The following SULF2 variants were observed in gnomAD, a reference collection of about 807,000 sequenced individuals.
SULF2 encodes extracellular sulfatase Sulf-2.
In SULF2, 52 loss-of-function variants were observed where a neutral mutation model predicts 107.7. That is an observed-to-expected ratio of 0.48 (90% CI 0.39 to 0.61). The LOEUF (loss-of-function observed/expected upper bound fraction) is 0.61. Ranked by LOEUF, SULF2 falls within the 20% of genes least tolerant of loss-of-function variation. The pLI is 0.00. For missense variants in SULF2, 993 were observed against 1,177.3 expected (o/e 0.84, Z 2.29); for synonymous variants, 460 against 464.3 (o/e 0.99, Z 0.12).
chr20:47,664,592 C>G (rs746329959), intron 14 of SULF2, among the ~76,000 whole-genome samples: 2 of 152,134 alleles, frequency 1.3e-5, no homozygotes, highest in East Asian at 3.9e-4. Context: ...CACACTTGGT[C>G]GGGGTCAACA....
chr20:47,771,617 A>G (rs1223037390), intron 1 of SULF2, among the ~76,000 whole-genome samples: 1 of 151,324 alleles, frequency 6.6e-6, no homozygotes, highest in Non-Finnish European at 1.5e-5. Flanking sequence ...GCCCAACAAC[A>G]TGGAGGTTGC....
chr20:47,684,204 T>C (rs1446479171), intron 6 of SULF2: 1 of 457,520 alleles, frequency 2.2e-6, no homozygotes, highest in Non-Finnish European at 3.8e-6. Flanking sequence ...AACTAGCATA[T>C]ATGGTTACCG....
chr20:47,672,204 TGAA>T lies in SULF2; in HGVS notation c.1567_1569del (p.Phe523del). Reference sequence around the variant, plus strand: ...GCCAGGTTGTGACACTTACTCTTCTTGAAGAGTTTTTTCCGGCGTCCGGCCAGG... The same window carrying T: ...GCCAGGTTGTGACACTTACTCTTCTTGAGTTTTTTCCGGCGTCCGGCCAGG... On this transcript the variant is annotated inframe_deletion, in exon 11 of 21. Coordinates refer to ENST00000688720, the MANE Select transcript of SULF2 (RefSeq NM_001387048.1). 4 of 1,607,038 alleles carry T rather than the reference TGAA, an allele frequency of 2.5e-6. No homozygotes were observed. The African/African-American group carries it at 4.0e-5, about 16-fold the overall frequency.
At chr20:47,687,243 C>A (rs1451622518) in intron 5 of SULF2, among the ~76,000 whole-genome samples, 1 of 152,120 alleles carries the variant, frequency 6.6e-6, no homozygotes, top group Non-Finnish European at 1.5e-5. Flanking sequence ...CAGAAGGCAG[C>A]AGAGCCGGGT....
intron 5 of SULF2, among the ~76,000 whole-genome samples, chr20:47,688,435 CCAAA>C (rs1372670234): frequency 6.6e-6 from 1 of 152,244 alleles, no homozygotes; most frequent in Non-Finnish European, 1.5e-5. Context: ...GCAGGCAATG[CCAAA>C]CAATTTCATC....
chr20:47,723,949 A>G (rs912280259), intron 3 of SULF2, among the ~76,000 whole-genome samples: 1 of 152,158 alleles, frequency 6.6e-6, no homozygotes, highest in Non-Finnish European at 1.5e-5. Flanking sequence ...CTTGTACCAG[A>G]ATGGTTGTGG....
intron 1 of SULF2, among the ~76,000 whole-genome samples, chr20:47,759,786 G>A (rs4295072): frequency 0.8 from 122,275 of 152,226 alleles, 49,318 homozygotes; most frequent in African/African-American, 0.84. Flanking sequence ...GCCTGCCCTG[G>A]CCACCCTATT....
At chr20:47,748,949 G>C (rs1039366614) in intron 2 of SULF2, among the ~76,000 whole-genome samples, 1 of 151,576 alleles carries the variant, frequency 6.6e-6, no homozygotes, top group African/African-American at 2.4e-5. Context: ...TATAATTCTC[G>C]CTGAGATCAT....
chr20:47,747,321 C>G (rs1048002656), intron 2 of SULF2, among the ~76,000 whole-genome samples: 1 of 152,176 alleles, frequency 6.6e-6, no homozygotes, highest in Non-Finnish European at 1.5e-5. Flanking sequence ...GGAGGCAGGA[C>G]TGAGATTCTA....
At chr20:47,663,999 G>A (rs538791033) in intron 15 of SULF2, 131 bp downstream of exon 15, 19 of 976,470 alleles carry the variant, frequency 1.9e-5, no homozygotes, top group Admixed American at 5.1e-5. Context: ...AGGCCTCTTC[G>A]AGGGCTACCG....
chr20:47,696,316 A>C (rs2088374397), intron 4 of SULF2, among the ~76,000 whole-genome samples: 1 of 152,188 alleles, frequency 6.6e-6, no homozygotes, highest in Non-Finnish European at 1.5e-5. Flanking sequence ...ATTATTCCTC[A>C]AGAACCATAT....
chr20:47,706,197 C>G (rs909089149), intron 3 of SULF2, among the ~76,000 whole-genome samples: 1 of 152,134 alleles, frequency 6.6e-6, no homozygotes, highest in Non-Finnish European at 1.5e-5. Flanking sequence ...GCCAGGAAGG[C>G]CCCTGGAGAC....
intron 11 of SULF2, among the ~76,000 whole-genome samples, chr20:47,667,306 T>G (rs1053229038): frequency 1.3e-5 from 2 of 151,950 alleles, no homozygotes; most frequent in African/African-American, 2.4e-5. Flanking sequence ...CACCAGGTGG[T>G]AGGCAGGTGC....
intron 10 of SULF2, among the ~76,000 whole-genome samples, chr20:47,674,174 C>A (rs1318105074): frequency 6.6e-6 from 1 of 152,280 alleles, no homozygotes; most frequent in Non-Finnish European, 1.5e-5. Context: ...ACTGTCTGAT[C>A]TTGTGCGGAA....
At position 47,666,550 on chromosome 20, in the gene SULF2, G is replaced by C; in HGVS notation, c.1577-62C>G. ...AGGAAAGGCTGGCCAGGCTCCCAGG[G>C]CAGTGGGTCCTTCATCAAGATAGGG... On this transcript the variant is annotated intron_variant, in intron 11 of 20. Transcript: ENST00000688720. This position sits in a 1 kb window ranked among gnomAD's most constrained non-coding sequence, Gnocchi z 5.4. 1 of 1,350,756 alleles carries C rather than the reference G, an allele frequency of 7.4e-7. No homozygotes were observed. Among genetic ancestry groups the C allele is most frequent in the Non-Finnish European group, 1.0e-6 (1 of 964,292 alleles). 83.7% of individuals were successfully genotyped at this position (1,350,756 alleles called of 1,614,324 possible). A position where few individuals can be genotyped will look rare whatever the true frequency, so the allele number is the denominator to read the frequency against.
intron 3 of SULF2, among the ~76,000 whole-genome samples, chr20:47,731,772 C>A (rs1429308526): frequency 1.3e-5 from 2 of 152,164 alleles, no homozygotes; most frequent in African/African-American, 2.4e-5. Context: ...GTGGAGGGAA[C>A]AATTTACCAT....
chr20:47,678,722 C>A lies in SULF2; in HGVS notation c.1147G>T (p.Gly383Trp), dbSNP rs373572802. ...AGLDIPADMD[G>W]KSILKLLDTE... ...TCCAGCAGCTTGAGGATGGATTTCCCGTCCATATCCGCAGGTATGTCCAGG... is the reference window on the plus strand; with the variant it reads ...TCCAGCAGCTTGAGGATGGATTTCCAGTCCATATCCGCAGGTATGTCCAGG... Residue 383 changes from glycine (G) to tryptophan (W), a missense_variant, in exon 8 of 21, where the codon GGG becomes TGG. Physicochemically the swap from Gly to Trp is radical, Grantham distance 184. This residue lies in a region of SULF2 where 108 missense variants were observed against 183.9 expected (regional missense o/e 0.59). Transcript: ENST00000688720. The surrounding 1 kb of genome is among the most constrained non-coding windows in gnomAD (Gnocchi z 4.5). 1 of 1,613,872 alleles carries A rather than the reference C, an allele frequency of 6.2e-7. No individual in the cohort carries two copies. The highest frequency in any genetic ancestry group is 8.5e-7 in the Non-Finnish European group (1 of 1,180,024).
intron 3 of SULF2, among the ~76,000 whole-genome samples, chr20:47,731,339 T>C (rs1600597290): frequency 6.6e-6 from 1 of 151,656 alleles, no homozygotes; most frequent in East Asian, 1.9e-4. Context: ...ATTACAGGTG[T>C]ACATCACCAT....
At chr20:47,708,754 T>G (rs537241534) in intron 3 of SULF2, among the ~76,000 whole-genome samples, 62 of 152,162 alleles carry the variant, frequency 4.1e-4, no homozygotes, top group Admixed American at 1.0e-3. Context: ...AATGCTGGAG[T>G]TTAGCTTCTT....
Sources: gnomAD v4.1 joint callset for allele counts (sites outside exome capture counted in the v4.1 genomes callset) on GRCh38, gnomAD v4.1.1 for gene constraint, gnomAD v4.1.1 regional missense constraint, Gnocchi (gnomAD v3.1) non-coding constraint, MANE v1.5 for transcripts, NCBI Gene and HGNC (gene_info 2026-07-23, HGNC 2026-07-21) for gene names.